TEAD1: variants seen among roughly 807,000 people sequenced by gnomAD.
TEAD1 encodes the protein transcriptional enhancer factor TEF-1.
A neutral mutation model predicts 54.9 loss-of-function variants in TEAD1; 9 were observed. The ratio of observed to expected loss-of-function variants is 0.16; its 90% CI spans 0.10 to 0.29. TEAD1 has a LOEUF of 0.29. Among genes scored for constraint, TEAD1 ranks in the 10% least tolerant of loss-of-function variants. TEAD1 has a pLI of 1.00. For missense variants in TEAD1, 387 were observed against 535.9 expected (o/e 0.72, Z 2.74); for synonymous variants, 200 against 187.8 (o/e 1.07, Z -0.53).
In TEAD1 at chr11:12,895,169, G is replaced by A. The variant is rs1349304504; in HGVS notation, c.700-6771G>A. Among the ~76,000 whole-genome samples the A allele has an allele frequency of 2.0e-5, 3 of 152,076 alleles. No individual in the cohort carries two copies. The East Asian group carries it at 5.8e-4, about 30-fold the overall frequency. On this transcript the variant is annotated intron_variant, in intron 9 of 12. Transcript: ENST00000527636. ...AGGAAACAAAGTGACCCATAGAGCA[G>A]CTTTGAAGGAAGACGAAAGTCCTTT...
At chr11:12,930,468 C>T (rs2727361) in intron 12 of TEAD1, 142 bp downstream of exon 12, 608,707 of 954,432 alleles carry the variant, frequency 0.64, 196,914 homozygotes, top group South Asian at 0.74. Context: ...GGTCAGTCAG[C>T]AGTTGAATTT....
intron 3 of TEAD1, among the ~76,000 whole-genome samples, chr11:12,781,712 C>T (rs1254778503): frequency 6.7e-6 from 1 of 149,794 alleles, no homozygotes; most frequent in Admixed American, 6.7e-5. Flanking sequence ...CCTCACAGGT[C>T]ACTGGTGGGT....
At chr11:12,810,345 A>T (rs537278893) in intron 3 of TEAD1, among the ~76,000 whole-genome samples, 1 of 152,232 alleles carries the variant, frequency 6.6e-6, no homozygotes, top group Non-Finnish European at 1.5e-5. Context: ...GAGCTTGCGA[A>T]GTTGGGAAGT....
chr11:12,841,300 C>T (rs1947035745), intron 3 of TEAD1, among the ~76,000 whole-genome samples: 1 of 152,310 alleles, frequency 6.6e-6, no homozygotes, highest in Admixed American at 6.5e-5. Flanking sequence ...TCTTAGCTGT[C>T]CCCACCAGGC....
At chr11:12,720,228 A>C (rs1564917795) in intron 2 of TEAD1, among the ~76,000 whole-genome samples, 2 of 151,926 alleles carry the variant, frequency 1.3e-5, no homozygotes, top group African/African-American at 4.8e-5. Flanking sequence ...AAAAAGTTAG[A>C]TCTCTAGAGA....
intron 2 of TEAD1, among the ~76,000 whole-genome samples, chr11:12,759,639 G>A (rs1945061234): frequency 6.6e-6 from 1 of 152,154 alleles, no homozygotes; most frequent in Admixed American, 6.5e-5. Flanking sequence ...AAGGTGGGCG[G>A]ATTATGAGGT....
intron 3 of TEAD1, among the ~76,000 whole-genome samples, chr11:12,834,717 C>G (rs1417217779): frequency 1.3e-5 from 2 of 150,168 alleles, no homozygotes; most frequent in African/African-American, 4.9e-5. Context: ...CTGCCTCAGC[C>G]TCCCAAAGTA....
chr11:12,846,787 A>G (rs1239249653), intron 3 of TEAD1, among the ~76,000 whole-genome samples: 2 of 152,238 alleles, frequency 1.3e-5, no homozygotes, highest in Non-Finnish European at 2.9e-5. Context: ...AAATTGATGA[A>G]GATCACAAGA....
At chr11:12,757,354 T>C (rs1945004830) in intron 2 of TEAD1, among the ~76,000 whole-genome samples, 1 of 152,138 alleles carries the variant, frequency 6.6e-6, no homozygotes, top group Non-Finnish European at 1.5e-5. Flanking sequence ...AATTTTCTTC[T>C]CCAGTCATCA....
intron 2 of TEAD1, among the ~76,000 whole-genome samples, chr11:12,716,635 G>A (rs1944068813): frequency 6.6e-6 from 1 of 152,178 alleles, no homozygotes; most frequent in Non-Finnish European, 1.5e-5. Context: ...CTCTGCTGTT[G>A]TGGTTTGAAA....
chr11:12,804,297 A>C (rs905332501), intron 3 of TEAD1, among the ~76,000 whole-genome samples: 5 of 152,250 alleles, frequency 3.3e-5, no homozygotes, highest in Non-Finnish European at 5.9e-5. Context: ...TGGGCAGAGA[A>C]GTATGGCTTT....
At position 12,845,067 on chromosome 11, in the gene TEAD1, G is replaced by T. The variant is rs183268212; in HGVS notation, c.203-17183G>T. ...TGCAACCTCTGCCTCCTGGATTCAA[G>T]CAATTCTCTGCCTCAGCCTCCTGAG... On this transcript the variant is annotated intron_variant, in intron 3 of 12. Coordinates refer to ENST00000527636, the MANE Select transcript of TEAD1 (RefSeq NM_021961.6). Among the ~76,000 whole-genome samples, 572 of 138,800 alleles carry T rather than the reference G, an allele frequency of 4.1e-3. 5 individuals carry two copies. Among genetic ancestry groups the T allele is most frequent in the African/African-American group, 0.015 (546 of 37,610 alleles). 91.1% of individuals were successfully genotyped at this position (138,800 alleles called of 152,430 possible).
At chr11:12,898,199 C>T (rs1203252336) in intron 9 of TEAD1, among the ~76,000 whole-genome samples, 1 of 152,074 alleles carries the variant, frequency 6.6e-6, no homozygotes, top group Non-Finnish European at 1.5e-5. Context: ...ATGAGTGGGC[C>T]ATTATCAGGG....
intron 2 of TEAD1, among the ~76,000 whole-genome samples, chr11:12,711,690 G>A (rs113115070): frequency 6.6e-6 from 1 of 152,170 alleles, no homozygotes; most frequent in South Asian, 2.1e-4. Context: ...CCCTCTGGGG[G>A]TTTTTTACTG....
intron 2 of TEAD1, among the ~76,000 whole-genome samples, chr11:12,730,785 C>T (rs571049204): frequency 6.8e-6 from 1 of 148,086 alleles, no homozygotes; most frequent in South Asian, 2.2e-4. Context: ...ACTGCAACCT[C>T]CACCTTCCAG....
intron 3 of TEAD1, among the ~76,000 whole-genome samples, chr11:12,850,358 C>T (rs1425911973): frequency 6.6e-6 from 1 of 152,188 alleles, no homozygotes. Flanking sequence ...ACAGCTTGAA[C>T]CCGGGAGGCG....
At chr11:12,919,824 T>C (rs1306190521) in intron 10 of TEAD1, among the ~76,000 whole-genome samples, 2 of 152,188 alleles carry the variant, frequency 1.3e-5, no homozygotes, top group Non-Finnish European at 2.9e-5. Flanking sequence ...ATACAACATA[T>C]GTTGAATTTT....
At chr11:12,810,269 G>A (rs1351477041) in intron 3 of TEAD1, among the ~76,000 whole-genome samples, 1 of 152,134 alleles carries the variant, frequency 6.6e-6, no homozygotes, top group African/African-American at 2.4e-5. Context: ...TTGAGCCACT[G>A]CGCCCTTCCT....
chr11:12,761,352 A>G (rs1298669972), intron 2 of TEAD1, among the ~76,000 whole-genome samples: 7 of 152,212 alleles, frequency 4.6e-5, no homozygotes, highest in East Asian at 1.9e-4. Context: ...AAGTGGATCT[A>G]CATCCTTCCC....
Sources: allele counts gnomAD v4.1 joint callset (sites outside exome capture counted in the v4.1 genomes callset), GRCh38; gene constraint gnomAD v4.1.1; transcripts MANE v1.5; gene names NCBI Gene and HGNC (gene_info 2026-07-23, HGNC 2026-07-21).